The following PTPRR variants were observed in gnomAD, a reference collection of about 807,000 sequenced individuals.
The protein encoded by PTPRR is protein tyrosine phosphatase receptor type R.
A neutral mutation model predicts 77.2 loss-of-function variants in PTPRR; 38 were observed. That is an observed-to-expected ratio of 0.49 (90% CI 0.38 to 0.65). PTPRR has a LOEUF of 0.65. Among genes scored for constraint, PTPRR ranks in the 30% least tolerant of loss-of-function variants. The pLI is 0.00. For synonymous variants in PTPRR, 299 were observed against 283.1 expected, an observed-to-expected ratio of 1.06 and a Z score of -0.57; for missense variants, 744 against 799.2, an observed-to-expected ratio of 0.93 and a Z score of 0.83.
intron 2 of PTPRR, among the ~76,000 whole-genome samples, chr12:70,850,226 G>A (rs570507485): frequency 6.6e-6 from 1 of 152,048 alleles, no homozygotes; most frequent in African/African-American, 2.4e-5. Context: ...GCTGGGTGTG[G>A]TGGCGGGCGC....
intron 2 of PTPRR, among the ~76,000 whole-genome samples, chr12:70,878,393 C>T (rs183129669): frequency 4.9e-4 from 74 of 152,124 alleles, no homozygotes; most frequent in African/African-American, 1.7e-3. Context: ...TGAACTCAAA[C>T]AAATTTACAA....
chr12:70,744,266 A>G (rs1219809679), intron 6 of PTPRR, among the ~76,000 whole-genome samples: 4 of 152,232 alleles, frequency 2.6e-5, no homozygotes, highest in Non-Finnish European at 1.5e-5. Flanking sequence ...TCTGGAATCC[A>G]GTTCTCCTGA....
intron 2 of PTPRR, among the ~76,000 whole-genome samples, chr12:70,804,738 C>A (rs1249269056): frequency 6.6e-6 from 1 of 152,120 alleles, no homozygotes; most frequent in Non-Finnish European, 1.5e-5. Flanking sequence ...TGGCTTCCAC[C>A]ACACTACCCA....
chr12:70,753,326 A>G (rs1199469195), intron 5 of PTPRR, among the ~76,000 whole-genome samples: 1 of 152,200 alleles, frequency 6.6e-6, no homozygotes, highest in Admixed American at 6.6e-5. Context: ...TAAGTAACAT[A>G]ATGACTTTTG....
chr12:70,868,121 G>T (rs7962616), intron 2 of PTPRR, among the ~76,000 whole-genome samples: 2 of 151,854 alleles, frequency 1.3e-5, no homozygotes. Context: ...CACGACATAG[G>T]CATGAGCAAG....
intron 8 of PTPRR, among the ~76,000 whole-genome samples, chr12:70,692,071 C>G (rs924377760): frequency 2.6e-5 from 4 of 152,008 alleles, no homozygotes; most frequent in Admixed American, 6.6e-5. Flanking sequence ...GAGGTTAGTA[C>G]CCAAATAAAT....
intron 1 of PTPRR, among the ~76,000 whole-genome samples, chr12:70,897,573 C>T (rs1363654242): frequency 6.6e-6 from 1 of 151,950 alleles, no homozygotes; most frequent in Non-Finnish European, 1.5e-5. Flanking sequence ...TAAATTAGTT[C>T]AACCATTGTG....
chr12:70,826,403 A>G (rs756535166), intron 2 of PTPRR, among the ~76,000 whole-genome samples: 17 of 152,312 alleles, frequency 1.1e-4, no homozygotes, highest in South Asian at 4.1e-4. Flanking sequence ...GCTGAGCACA[A>G]CTTGTGCTAA....
At chr12:70,677,186 A>G (rs1887480558) in intron 10 of PTPRR, among the ~76,000 whole-genome samples, 1 of 152,084 alleles carries the variant, frequency 6.6e-6, no homozygotes, top group African/African-American at 2.4e-5. Flanking sequence ...GCAATTGTAA[A>G]TGGAATTGTT....
At chr12:70,658,047 A>G (rs1886648085) in intron 12 of PTPRR, among the ~76,000 whole-genome samples, 2 of 152,186 alleles carry the variant, frequency 1.3e-5, no homozygotes, top group Admixed American at 6.5e-5. Context: ...ACTATAGCAT[A>G]ATGTCTAACC....
chr12:70,743,937 T>A (rs1262038174), intron 6 of PTPRR, among the ~76,000 whole-genome samples: 1 of 152,174 alleles, frequency 6.6e-6, no homozygotes, highest in African/African-American at 2.4e-5. Context: ...TAGTGCATGA[T>A]GATAATAAAA....
intron 2 of PTPRR, among the ~76,000 whole-genome samples, chr12:70,856,835 G>T (rs1278003822): frequency 1.3e-5 from 2 of 151,624 alleles, no homozygotes; most frequent in South Asian, 2.1e-4. Flanking sequence ...GGAGTGGAGT[G>T]GGGGAGAGAG....
At chr12:70,698,031 G>T (rs948346117) in intron 8 of PTPRR, among the ~76,000 whole-genome samples, 6 of 152,034 alleles carry the variant, frequency 3.9e-5, no homozygotes, top group Middle Eastern at 3.2e-3. Context: ...TGAGGTAAGG[G>T]TTAATGGGAA....
chr12:70,740,929 T>C (rs904321015), intron 6 of PTPRR, among the ~76,000 whole-genome samples: 6 of 152,136 alleles, frequency 3.9e-5, no homozygotes, highest in African/African-American at 9.7e-5. Flanking sequence ...ATTTTAAGGC[T>C]TAAAACTGCC....
At chr12:70,834,436 C>G (rs1361202021) in intron 2 of PTPRR, among the ~76,000 whole-genome samples, 1 of 152,124 alleles carries the variant, frequency 6.6e-6, no homozygotes, top group South Asian at 2.1e-4. Flanking sequence ...TCAGGCTGTT[C>G]AAATAACATG....
chr12:70,890,988 C>T (rs771401015), intron 2 of PTPRR, among the ~76,000 whole-genome samples: 4 of 152,088 alleles, frequency 2.6e-5, no homozygotes, highest in Non-Finnish European at 5.9e-5. Flanking sequence ...GCTGCTAAAT[C>T]ATCATGCACA....
In PTPRR at chr12:70,678,476, C is replaced by T. The variant is rs372004999; in HGVS notation, c.1497+5651G>A. ...TTTTTTTTAGATTATCCAATTTGTT[C>T]GTGTAGTATTGTTCACCATAGTCTT... On this transcript the variant is annotated intron_variant, in intron 10 of 13. Coordinates refer to ENST00000283228, the MANE Select transcript of PTPRR (RefSeq NM_002849.4). Among the ~76,000 whole-genome samples the T allele has an allele frequency of 1.1e-3, 171 of 152,056 alleles. 6 individuals are homozygous for T. The South Asian group carries it at 0.023, about 21-fold the overall frequency.
At chr12:70,672,286 T>C in intron 10 of PTPRR, 1 of 1,592,996 alleles carries the variant, frequency 6.3e-7, no homozygotes, top group South Asian at 1.1e-5. Context: ...AAGAACAGAA[T>C]GTGCCCGTGC....
rs569634278 is a variant in PTPRR, at chr12:70,716,042, T to A, written c.1008-14719A>T. Among the ~76,000 whole-genome samples the A allele has an allele frequency of 1.4e-4, 22 of 152,332 alleles. No individual in the cohort carries two copies. In the South Asian group the frequency reaches 4.1e-3, roughly 29 times the overall value. On this transcript the variant is annotated intron_variant, in intron 6 of 13. Coordinates refer to ENST00000283228, the MANE Select transcript of PTPRR (RefSeq NM_002849.4). ...TTATAAAAGTATTAATTTGGGGGAC[T>A]AATAAATGTCCATGAAATCTTCACA...
Sources: gnomAD v4.1 joint callset for allele counts (sites outside exome capture counted in the v4.1 genomes callset) on GRCh38, gnomAD v4.1.1 for gene constraint, MANE v1.5 for transcripts, NCBI Gene and HGNC (gene_info 2026-07-23, HGNC 2026-07-21) for gene names.